Variants in SLC4A10 observed in about 807,000 individuals in gnomAD.
SLC4A10 encodes sodium-driven chloride bicarbonate exchanger.
In SLC4A10, 42 loss-of-function variants were observed where a neutral mutation model predicts 137.7. The observed-to-expected ratio is 0.30, with a 90% CI of 0.24 to 0.39. The LOEUF is 0.39. SLC4A10 is among the 10% of genes least tolerant of loss of function. SLC4A10 has a pLI of 1.00. For missense variants in SLC4A10, 925 were observed against 1,355.0 expected (o/e 0.68, Z 4.98); for synonymous variants, 474 against 464.1 (o/e 1.02, Z -0.27).
intron 10 of SLC4A10, among the ~76,000 whole-genome samples, chr2:161,891,574 C>T (rs114461348): frequency 3.6e-4 from 55 of 151,820 alleles, no homozygotes; most frequent in African/African-American, 6.8e-4. Flanking sequence ...TCCTTTCTTC[C>T]GCTTGATTGA....
In SLC4A10 at chr2:161,700,626, CA is replaced by C. The variant is rs149785946; in HGVS notation, c.49-70343del. Reference sequence around the variant, plus strand: ...TATGTATACTGTCTTCTTTAACCTTCAAAATAGCTTTATGAGGTAAAACAAT... The same window carrying C: ...TATGTATACTGTCTTCTTTAACCTTCAAATAGCTTTATGAGGTAAAACAAT... On this transcript the variant is annotated intron_variant, in intron 1 of 26. Transcript: ENST00000446997. Among the ~76,000 whole-genome samples the C allele has an allele frequency of 6.4e-3, 979 of 152,154 alleles. 7 individuals carry two copies. The highest frequency in any genetic ancestry group is 0.022 in the African/African-American group (932 of 41,544).
intron 1 of SLC4A10, among the ~76,000 whole-genome samples, chr2:161,712,856 C>T (rs2044441518): frequency 6.6e-6 from 1 of 151,794 alleles, no homozygotes; most frequent in South Asian, 2.1e-4. Context: ...AGTTGAATCT[C>T]AGAATAATGC....
intron 1 of SLC4A10, among the ~76,000 whole-genome samples, chr2:161,770,193 TATA>T (rs2051408611): frequency 6.6e-6 from 1 of 151,918 alleles, no homozygotes; most frequent in Non-Finnish European, 1.5e-5. Flanking sequence ...AAGTTGGAAA[TATA>T]ATAGTTTACA....
intron 1 of SLC4A10, among the ~76,000 whole-genome samples, chr2:161,759,083 A>T (rs1327457431): frequency 6.6e-6 from 1 of 151,840 alleles, no homozygotes; most frequent in Non-Finnish European, 1.5e-5. Flanking sequence ...CCCTTCTGGG[A>T]TCATTTTATT....
chr2:161,680,175 C>G (rs915472712), intron 1 of SLC4A10, among the ~76,000 whole-genome samples: 4 of 152,096 alleles, frequency 2.6e-5, no homozygotes, highest in Non-Finnish European at 5.9e-5. Context: ...CAAGAGAGCT[C>G]TGTTCACAGA....
Position 161,743,858 on chromosome 2 carries a change from TG to T in SLC4A10, c.49-27114del, listed in dbSNP as rs1372299706. Among the ~76,000 whole-genome samples the T allele has an allele frequency of 3.9e-5, 6 of 152,278 alleles. No homozygotes were observed. In the East Asian group the frequency reaches 9.6e-4, roughly 24 times the overall value. On this transcript the variant is annotated intron_variant, in intron 1 of 26. Coordinates refer to ENST00000446997, the MANE Select transcript of SLC4A10 (RefSeq NM_001178015.2). ...TAATTGTAGAAATCTTTTACCTCTT[TG>T]ATGAAGTTTATTCCTTGATATTTTA... is the stretch of plus-strand genomic sequence containing the variant.
intron 1 of SLC4A10, among the ~76,000 whole-genome samples, chr2:161,762,490 T>C (rs2050356240): frequency 6.6e-6 from 1 of 152,142 alleles, no homozygotes; most frequent in Non-Finnish European, 1.5e-5. Flanking sequence ...CATATTTGTA[T>C]TGCACTTTAA....
intron 19 of SLC4A10, among the ~76,000 whole-genome samples, chr2:161,952,962 A>G (rs1283444675): frequency 6.6e-6 from 1 of 152,142 alleles, no homozygotes; most frequent in Non-Finnish European, 1.5e-5. Context: ...CTTGAACCAC[A>G]TTTTCACTAA....
At chr2:161,768,941 A>G (rs1463366830) in intron 1 of SLC4A10, among the ~76,000 whole-genome samples, 1 of 151,906 alleles carries the variant, frequency 6.6e-6, no homozygotes, top group Non-Finnish European at 1.5e-5. Context: ...TCCTATCACA[A>G]ATTCGTTTCC....
intron 1 of SLC4A10, among the ~76,000 whole-genome samples, chr2:161,699,657 C>T (rs190877452): frequency 6.6e-6 from 1 of 152,154 alleles, no homozygotes; most frequent in Non-Finnish European, 1.5e-5. Context: ...GAAAATGTTT[C>T]AGAGTAGTCA....
At chr2:161,706,722 C>T (rs557478431) in intron 1 of SLC4A10, among the ~76,000 whole-genome samples, 1 of 151,568 alleles carries the variant, frequency 6.6e-6, no homozygotes, top group African/African-American at 2.4e-5. Context: ...CTCATCTCTT[C>T]CCTCTGTTCT....
intron 1 of SLC4A10, among the ~76,000 whole-genome samples, chr2:161,734,910 T>G (rs2047181650): frequency 6.6e-6 from 1 of 152,016 alleles, no homozygotes; most frequent in Admixed American, 6.6e-5. Flanking sequence ...ACTCTTCTCA[T>G]GATAGTGAGG....
intron 1 of SLC4A10, among the ~76,000 whole-genome samples, chr2:161,746,211 C>A (rs1000539304): frequency 3.3e-5 from 5 of 152,048 alleles, no homozygotes; most frequent in African/African-American, 7.2e-5. Context: ...TCTAGAAATG[C>A]CATCCAGGAG....
At chr2:161,757,279 G>T (rs2049762124) in intron 1 of SLC4A10, among the ~76,000 whole-genome samples, 3 of 152,180 alleles carry the variant, frequency 2.0e-5, no homozygotes, top group South Asian at 2.1e-4. Context: ...ATTAAATAAA[G>T]AATTTTGATT....
chr2:161,804,394 A>G lies in SLC4A10; in HGVS notation c.131-55A>G, dbSNP rs1447737059. 4.5e-6 allele frequency: 7 copies of G among 1,570,314 alleles called. No homozygotes were observed. In the East Asian group the frequency reaches 1.4e-4, roughly 30 times the overall value. Reference sequence around the variant, plus strand: ...TCTCCATTAACATGTAAATCATCATATCTGTGCCCTGGAATAATTCAGAGT... The same window carrying G: ...TCTCCATTAACATGTAAATCATCATGTCTGTGCCCTGGAATAATTCAGAGT... On this transcript the variant is annotated intron_variant, in intron 2 of 26. Coordinates refer to ENST00000446997, the MANE Select transcript of SLC4A10 (RefSeq NM_001178015.2).
rs371522013 is a variant in SLC4A10 at position 161,942,821 on chromosome 2, G to A, written c.2027G>A (p.Ser676Asn). 3.7e-6 allele frequency: 6 copies of A among 1,605,340 alleles called. No homozygotes were observed. Among genetic ancestry groups the A allele is most frequent in the Non-Finnish European group, 5.1e-6 (6 of 1,175,718 alleles). The change falls in exon 16 of 27, where the codon AGC (serine) becomes AAC (asparagine). Residue 676 changes from serine (S) to asparagine (N), a missense_variant. Transcript: ENST00000446997. The part of the protein sequence containing the change: ...SCNCVEPHNP[S>N]NGTLKEWRES... Reference sequence around the variant, plus strand: ...AACTGTGTGGAACCGCATAATCCCAGCAATGGCACATTGAAGGAATGGAGG... The same window carrying A: ...AACTGTGTGGAACCGCATAATCCCAACAATGGCACATTGAAGGAATGGAGG...
intron 3 of SLC4A10, among the ~76,000 whole-genome samples, chr2:161,830,316 T>C (rs1427397415): frequency 6.6e-6 from 1 of 152,194 alleles, no homozygotes; most frequent in Non-Finnish European, 1.5e-5. Context: ...CTATTTCTTA[T>C]ACAATGGCAG....
intron 1 of SLC4A10, among the ~76,000 whole-genome samples, chr2:161,673,090 C>T (rs1431006814): frequency 6.6e-6 from 1 of 152,164 alleles, no homozygotes; most frequent in African/African-American, 2.4e-5. Flanking sequence ...TAACTGTTTA[C>T]TTACTGATAC....
intron 1 of SLC4A10, among the ~76,000 whole-genome samples, chr2:161,750,757 T>A (rs900478607): frequency 6.6e-6 from 1 of 151,690 alleles, no homozygotes. Context: ...TGGTCTGTAG[T>A]GTTAAGTTTG....
Sources: allele counts gnomAD v4.1 joint callset (sites outside exome capture counted in the v4.1 genomes callset), GRCh38; gene constraint gnomAD v4.1.1; transcripts MANE v1.5; gene names NCBI Gene and HGNC (gene_info 2026-07-23, HGNC 2026-07-21).